The following CLDN16 variants were observed in gnomAD, a reference collection of about 807,000 sequenced individuals.
CLDN16 encodes claudin-16.
Under a neutral mutation model 24.6 loss-of-function variants are expected in CLDN16, and 13 were observed. The observed-to-expected ratio is 0.53, with a 90% CI of 0.34 to 0.84. CLDN16 has a LOEUF of 0.84. CLDN16 is among the 40% of genes least tolerant of loss of function. The probability of loss-of-function intolerance (pLI) is 0.01; values close to 1 mark genes in which losing one functional copy is unlikely to be tolerated. For synonymous variants in CLDN16, 116 were observed against 106.7 expected, an observed-to-expected ratio of 1.09 and a Z score of -0.54; for missense variants, 298 against 292.7, an observed-to-expected ratio of 1.02 and a Z score of -0.13.
chr3:190,368,207 A>G (rs931760456), intron 1 of CLDN16, among the ~76,000 whole-genome samples: 1 of 151,972 alleles, frequency 6.6e-6, no homozygotes, highest in Non-Finnish European at 1.5e-5. Context: ...GGTTATCAGA[A>G]GACTGTGGCT....
rs1405410283 is a variant in CLDN16, at chr3:190,410,135, A to C, written c.*99A>C. 7.5e-7 allele frequency: 1 copy of C among 1,339,694 alleles called. No homozygotes were observed. The allele number at this position is 1,339,694 out of a possible 1,614,324, so 83.0% of individuals were successfully genotyped here. On this transcript the variant is annotated 3_prime_UTR_variant, in exon 5 of 5. Coordinates refer to ENST00000264734, the MANE Select transcript of CLDN16 (RefSeq NM_006580.4). ...ATCCAGGAACAGTTATTTAGAATTC[A>C]TATTGAATTAAATTAATTGCTAGCT...
the CLDN16 span, among the ~76,000 whole-genome samples, chr3:190,290,550 T>G: frequency 1.3e-5 from 2 of 152,218 alleles, no homozygotes; most frequent in African/African-American, 4.8e-5. Flanking sequence ...TTCCATAAAT[T>G]GTCCTCCTTT....
the CLDN16 span, chr3:190,306,848 G>A: frequency 3.3e-5 from 5 of 152,686 alleles, no homozygotes; most frequent in African/African-American, 1.2e-4. Flanking sequence ...TATGTGCGTA[G>A]GTTTTGTTCA....
chr3:190,405,194 C>G (rs1719064924), intron 3 of CLDN16, among the ~76,000 whole-genome samples: 1 of 152,052 alleles, frequency 6.6e-6, no homozygotes, highest in Non-Finnish European at 1.5e-5. Context: ...CTTTGGGAGG[C>G]CAAGGCAGGC....
chr3:190,304,132 A>G, the CLDN16 span, among the ~76,000 whole-genome samples: 95,999 of 151,402 alleles, frequency 0.63, 30,970 homozygotes, highest in East Asian at 0.75. Context: ...GATTTGGGTG[A>G]GGCCTTAGAA....
the CLDN16 span, among the ~76,000 whole-genome samples, chr3:190,304,962 T>C: frequency 6.6e-6 from 1 of 152,246 alleles, no homozygotes; most frequent in African/African-American, 2.4e-5. Context: ...ATCCAAGTTT[T>C]CCTTTAGTTA....
At chr3:190,387,530 G>A (rs62278698), upstream of CLDN16, among the ~76,000 whole-genome samples, 28,362 of 152,144 alleles carry the variant, frequency 0.19, 3,084 homozygotes, top group Middle Eastern at 0.29. Context: ...TGAAGAACAA[G>A]CATTATATAA....
chr3:190,374,209 G>A (rs747369901), intron 2 of CLDN16, among the ~76,000 whole-genome samples: 17 of 150,426 alleles, frequency 1.1e-4, no homozygotes, highest in Non-Finnish European at 1.9e-4. Context: ...TATGAGTAAT[G>A]GAATCATCAA....
At chr3:190,310,095 C>CT in the CLDN16 span, 1 of 1,218,418 alleles carries the variant, frequency 8.2e-7, no homozygotes, top group East Asian at 2.3e-5. Context: ...AATGATGGCA[C>CT]TAGCAGGACT....
chr3:190,371,427 C>T (rs1410147805), intron 2 of CLDN16, among the ~76,000 whole-genome samples: 7 of 151,860 alleles, frequency 4.6e-5, no homozygotes, highest in Admixed American at 6.6e-5. Context: ...CGTAGGTTCA[C>T]TGCCATGCCA....
At chr3:190,293,715 C>T in the CLDN16 span, among the ~76,000 whole-genome samples, 13 of 152,034 alleles carry the variant, frequency 8.6e-5, no homozygotes, top group Admixed American at 2.0e-4. Context: ...TTGGACATAG[C>T]GTATGAGACA....
At chr3:190,399,960 C>T (rs1378130514) in intron 1 of CLDN16, among the ~76,000 whole-genome samples, 1 of 152,164 alleles carries the variant, frequency 6.6e-6, no homozygotes, top group Non-Finnish European at 1.5e-5. Context: ...TTCTGAGTTG[C>T]ATGCTCCTTA....
chr3:190,393,011 G>A (rs937995542), intron 1 of CLDN16, among the ~76,000 whole-genome samples: 2 of 152,112 alleles, frequency 1.3e-5, no homozygotes, highest in Non-Finnish European at 2.9e-5. Flanking sequence ...GACCAGAAGG[G>A]AGACAATAGT....
At chr3:190,390,049 T>G (rs907764118) in intron 1 of CLDN16, among the ~76,000 whole-genome samples, 1 of 152,198 alleles carries the variant, frequency 6.6e-6, no homozygotes, top group Non-Finnish European at 1.5e-5. Context: ...TTCTTTCATT[T>G]TAGTATAACC....
chr3:190,304,243 G>A, the CLDN16 span, among the ~76,000 whole-genome samples: 1 of 152,076 alleles, frequency 6.6e-6, no homozygotes, highest in Non-Finnish European at 1.5e-5. Flanking sequence ...AAGAAACTGG[G>A]TGGAGATCTC....
In CLDN16 at chr3:190,388,383, G is replaced by C; in HGVS notation, c.54G>C (p.Gly18=). The C allele has an allele frequency of 6.2e-7, 1 of 1,614,012 alleles. No individual in the cohort carries two copies. Among genetic ancestry groups the C allele is most frequent in the Non-Finnish European group, 8.5e-7 (1 of 1,179,990 alleles). The change falls in exon 1 of 5, where the codon GGG becomes GGC. Residue 18 remains glycine, a synonymous_variant. Coordinates refer to ENST00000264734, the MANE Select transcript of CLDN16 (RefSeq NM_006580.4). ...GCTTCTTTGCCTTTTTCTCTGCTGG[G>C]TTTTTGATTGTGGCCACCTGGACTG... The part of the protein sequence containing the change: ...IACFFAFFSA[G]FLIVATWTDC...
intron 1 of CLDN16, among the ~76,000 whole-genome samples, chr3:190,333,418 T>C (rs1314632728): frequency 6.6e-6 from 1 of 152,158 alleles, no homozygotes; most frequent in Non-Finnish European, 1.5e-5. Context: ...TAAAGTACTT[T>C]AAGTGTATGC....
chr3:190,401,607 T>C (rs922104346), intron 1 of CLDN16, among the ~76,000 whole-genome samples: 13 of 152,210 alleles, frequency 8.5e-5, no homozygotes, highest in African/African-American at 2.7e-4. Flanking sequence ...AGGGAACTGG[T>C]ACCTTCTAGC....
the CLDN16 span, among the ~76,000 whole-genome samples, chr3:190,297,676 T>C: frequency 7.1e-6 from 1 of 141,546 alleles, no homozygotes; most frequent in East Asian, 2.0e-4. Flanking sequence ...ATAGATATTA[T>C]GTAGATATTA....
Sources: allele counts gnomAD v4.1 joint callset (sites outside exome capture counted in the v4.1 genomes callset), GRCh38; gene constraint gnomAD v4.1.1; transcripts MANE v1.5; gene names NCBI Gene and HGNC (gene_info 2026-07-23, HGNC 2026-07-21).